CDH20: variants seen among roughly 807,000 people sequenced by gnomAD.
CDH20 encodes cadherin 20.
Under a neutral mutation model 74.2 loss-of-function variants are expected in CDH20, and 29 were observed. The ratio of observed to expected loss-of-function variants is 0.39; its 90% CI spans 0.29 to 0.53. CDH20 has a LOEUF of 0.53. CDH20 is among the 20% of genes least tolerant of loss of function. The pLI is 0.69. For synonymous variants in CDH20, 469 were observed against 405.4 expected (o/e 1.16, Z -1.88); for missense variants, 988 against 1,048.3 (o/e 0.94, Z 0.79).
intron 1 of CDH20, among the ~76,000 whole-genome samples, chr18:61,427,272 T>C (rs1040712979): frequency 3.9e-5 from 6 of 152,226 alleles, no homozygotes; most frequent in African/African-American, 1.2e-4. Flanking sequence ...CTGTTTTAAA[T>C]GTTTCAACCC....
chr18:61,396,790 T>A (rs1022881925), intron 1 of CDH20, among the ~76,000 whole-genome samples: 8 of 152,192 alleles, frequency 5.3e-5, no homozygotes, highest in African/African-American at 1.9e-4. Context: ...AGGCAGTTAA[T>A]CCCCAGCAAA....
intron 1 of CDH20, among the ~76,000 whole-genome samples, chr18:61,355,906 T>C (rs1404900070): frequency 6.6e-6 from 1 of 152,194 alleles, no homozygotes; most frequent in Non-Finnish European, 1.5e-5. Flanking sequence ...AAAAGTATAC[T>C]ATTAAACTGA....
At chr18:61,396,460 A>G (rs1911981380) in intron 1 of CDH20, among the ~76,000 whole-genome samples, 1 of 151,968 alleles carries the variant, frequency 6.6e-6, no homozygotes, top group Admixed American at 6.5e-5. Context: ...ATTCTCTTAT[A>G]CTTTTTCAAA....
intron 6 of CDH20, 83 bp downstream of exon 6, chr18:61,507,643 A>C: frequency 1.1e-6 from 1 of 923,978 alleles, no homozygotes; most frequent in South Asian, 2.1e-5. Context: ...TGTATTATTG[A>C]TATGCATTGC....
At chr18:61,381,514 T>G (rs1911431934) in intron 1 of CDH20, among the ~76,000 whole-genome samples, 1 of 152,230 alleles carries the variant, frequency 6.6e-6, no homozygotes, top group Non-Finnish European at 1.5e-5. Flanking sequence ...CTTCTTTGAA[T>G]AGAGAGGTAC....
At chr18:61,494,313 C>G (rs568425751) in intron 2 of CDH20, among the ~76,000 whole-genome samples, 56 of 152,256 alleles carry the variant, frequency 3.7e-4, no homozygotes, top group African/African-American at 1.3e-3. Context: ...CTTCCTGAAC[C>G]CTTGATCTCT....
At chr18:61,491,333 AATCT>A (rs1269020464) in intron 2 of CDH20, among the ~76,000 whole-genome samples, 10 of 152,214 alleles carry the variant, frequency 6.6e-5, no homozygotes, top group Admixed American at 6.5e-5. Context: ...CTCTTGATTT[AATCT>A]ATCATTATTT....
chr18:61,438,727 C>G (rs1908919496), intron 1 of CDH20, among the ~76,000 whole-genome samples: 2 of 152,068 alleles, frequency 1.3e-5, no homozygotes, highest in Admixed American at 6.5e-5. Flanking sequence ...ACAGAACTAC[C>G]ATTCAACCCA....
At chr18:61,391,306 G>A (rs552807070) in intron 1 of CDH20, among the ~76,000 whole-genome samples, 1 of 152,212 alleles carries the variant, frequency 6.6e-6, no homozygotes, top group African/African-American at 2.4e-5. Flanking sequence ...TAAAAAGATT[G>A]ACAATACACT....
intron 5 of CDH20, among the ~76,000 whole-genome samples, chr18:61,503,376 T>C (rs1911453247): frequency 6.6e-6 from 1 of 152,222 alleles, no homozygotes; most frequent in African/African-American, 2.4e-5. Flanking sequence ...CTTTCTTTCC[T>C]GATTGCCACG....
Position 61,432,883 on chromosome 18 carries a change from T to C in CDH20, c.-152-57519T>C, listed in dbSNP as rs116492071. Among the ~76,000 whole-genome samples, 637 of 152,290 alleles carry C rather than the reference T, an allele frequency of 4.2e-3. 4 individuals are homozygous for C. The highest frequency in any genetic ancestry group is 0.014 in the African/African-American group (591 of 41,550). ...AGTTGTTTGTAGTTCAATTTATTTT[T>C]CCCCTTTATTTATTATGCAAATAAT... is the stretch of plus-strand genomic sequence containing the variant. On this transcript the variant is annotated intron_variant, in intron 1 of 11. Transcript: ENST00000262717.
At chr18:61,390,102 A>G (rs4941017) in intron 1 of CDH20, among the ~76,000 whole-genome samples, 49,817 of 151,470 alleles carry the variant, frequency 0.33, 8,637 homozygotes, top group East Asian at 0.61. Flanking sequence ...CACCCCATCT[A>G]TTGTCAAAGG....
chr18:61,550,866 C>T (rs1173014020), intron 11 of CDH20, among the ~76,000 whole-genome samples: 1 of 152,184 alleles, frequency 6.6e-6, no homozygotes, highest in African/African-American at 2.4e-5. Flanking sequence ...GAATCCCTTA[C>T]TGATAAGACC....
At chr18:61,515,389 C>T (rs951521233) in intron 6 of CDH20, among the ~76,000 whole-genome samples, 33 of 152,180 alleles carry the variant, frequency 2.2e-4, no homozygotes, top group African/African-American at 6.7e-4. Flanking sequence ...CACTGACCTG[C>T]GCCCACTGTC....
chr18:61,447,009 C>T (rs1420565778), intron 1 of CDH20, among the ~76,000 whole-genome samples: 1 of 152,124 alleles, frequency 6.6e-6, no homozygotes, highest in Non-Finnish European at 1.5e-5. Flanking sequence ...GAGTATCTGC[C>T]CCAACCACTG....
intron 1 of CDH20, among the ~76,000 whole-genome samples, chr18:61,371,280 G>T (rs1219546835): frequency 6.6e-6 from 1 of 152,000 alleles, no homozygotes; most frequent in African/African-American, 2.4e-5. Context: ...TTTCATTAGT[G>T]CTGGTTGACT....
chr18:61,405,092 G>T (rs959895477), intron 1 of CDH20: 2 of 661,126 alleles, frequency 3.0e-6, no homozygotes, highest in East Asian at 6.6e-5. Flanking sequence ...TGCCTTGTCT[G>T]ATCATCTTCA....
At chr18:61,534,872 G>A (rs1348403374) in intron 7 of CDH20, among the ~76,000 whole-genome samples, 1 of 152,124 alleles carries the variant, frequency 6.6e-6, no homozygotes, top group Non-Finnish European at 1.5e-5. Context: ...TAAAAGAATA[G>A]ATTTTAAATG....
chr18:61,554,503 G>A lies in CDH20; in HGVS notation c.2214G>A (p.Trp738Ter). Residue 738 changes from tryptophan to a stop codon, truncating the protein, a stop_gained, in exon 12 of 12, where the codon TGG (tryptophan) becomes TGA (stop). Transcript: ENST00000262717. LOFTEE classifies it high-confidence loss of function. The part of the protein sequence containing the change: ...AKLYEADMDL[W>*]APPFDSLQTY... Reference sequence around the variant, plus strand: ...TCTACGAGGCCGACATGGACCTGTGGGCACCGCCCTTCGACTCCCTCCAGA... The same window carrying A: ...TCTACGAGGCCGACATGGACCTGTGAGCACCGCCCTTCGACTCCCTCCAGA... 2 of 1,612,880 alleles carry A rather than the reference G, an allele frequency of 1.2e-6. No individual in the cohort carries two copies. Among genetic ancestry groups the A allele is most frequent in the Non-Finnish European group, 1.7e-6 (2 of 1,179,794 alleles).
Sources: gnomAD v4.1 joint callset for allele counts (sites outside exome capture counted in the v4.1 genomes callset) on GRCh38, gnomAD v4.1.1 for gene constraint, MANE v1.5 for transcripts, NCBI Gene and HGNC (gene_info 2026-07-23, HGNC 2026-07-21) for gene names.